Variants in ADGRL2 observed in about 807,000 individuals in gnomAD.
The protein encoded by ADGRL2 is adhesion G protein-coupled receptor L2.
In ADGRL2, 44 loss-of-function variants were observed where a neutral mutation model predicts 157.4. That is an observed-to-expected ratio of 0.28 (90% CI 0.22 to 0.36). The LOEUF (loss-of-function observed/expected upper bound fraction) is 0.36, where lower values mean the gene tolerates loss of function less well. Among genes scored for constraint, ADGRL2 ranks in the 10% least tolerant of loss-of-function variants. The pLI, the probability that ADGRL2 is intolerant of heterozygous loss-of-function variation, is 1.00. For synonymous variants in ADGRL2, 585 were observed against 624.7 expected (o/e 0.94, Z 0.95); for missense variants, 1,510 against 1,768.9 (o/e 0.85, Z 2.63).
At chr1:81,339,403 A>G (rs1472267449) in intron 1 of ADGRL2, among the ~76,000 whole-genome samples, 2 of 152,176 alleles carry the variant, frequency 1.3e-5, no homozygotes, top group Non-Finnish European at 2.9e-5. Flanking sequence ...CAAAATTACA[A>G]TCACAGTACT....
intron 4 of ADGRL2, among the ~76,000 whole-genome samples, chr1:81,938,577 T>A (rs1217343787): frequency 6.6e-6 from 1 of 151,730 alleles, no homozygotes; most frequent in Non-Finnish European, 1.5e-5. Flanking sequence ...TTTTAGTTTT[T>A]GTCTTTTAAT....
At chr1:81,380,097 C>T (rs574887627) in intron 1 of ADGRL2, among the ~76,000 whole-genome samples, 1 of 152,176 alleles carries the variant, frequency 6.6e-6, no homozygotes, top group African/African-American at 2.4e-5. Context: ...AAGACTCAAA[C>T]GGCTTCTTTT....
At chr1:81,306,476 T>C (rs1055835700) in exon 1 of ADGRL2, 1 of 152,146 alleles carries the variant, frequency 6.6e-6, no homozygotes, top group African/African-American at 2.4e-5. Flanking sequence ...TTTTTTTTTT[T>C]ATAAAGGAAC....
chr1:81,554,857 T>C (rs1053856117), intron 2 of ADGRL2, among the ~76,000 whole-genome samples: 1 of 152,138 alleles, frequency 6.6e-6, no homozygotes, highest in Non-Finnish European at 1.5e-5. Flanking sequence ...AGAGAAAGAC[T>C]ATATGATCCC....
At chr1:81,334,536 T>C (rs909139462) in intron 1 of ADGRL2, among the ~76,000 whole-genome samples, 1 of 152,224 alleles carries the variant, frequency 6.6e-6, no homozygotes, top group Non-Finnish European at 1.5e-5. Flanking sequence ...TTTACAGTTA[T>C]GATTTTCTAG....
At chr1:81,328,297 G>T (rs1661035623) in intron 1 of ADGRL2, among the ~76,000 whole-genome samples, 1 of 152,060 alleles carries the variant, frequency 6.6e-6, no homozygotes. Flanking sequence ...TTCATTGGAG[G>T]GAAGAATTTT....
At chr1:81,393,161 C>A (rs972695921) in intron 1 of ADGRL2, among the ~76,000 whole-genome samples, 1 of 152,110 alleles carries the variant, frequency 6.6e-6, no homozygotes, top group African/African-American at 2.4e-5. Flanking sequence ...GTTCCCTACT[C>A]TCTCATTAGA....
chr1:81,831,609 A>T (rs1386958920), intron 1 of ADGRL2, among the ~76,000 whole-genome samples: 3 of 152,022 alleles, frequency 2.0e-5, no homozygotes, highest in African/African-American at 7.3e-5. Context: ...TGCTTTTAAG[A>T]TAAAATGGAT....
intron 1 of ADGRL2, among the ~76,000 whole-genome samples, chr1:81,830,724 C>T (rs1470633391): frequency 1.3e-5 from 2 of 152,180 alleles, no homozygotes; most frequent in Non-Finnish European, 2.9e-5. Context: ...CCAGGCTGGT[C>T]TCGAACTCCT....
chr1:81,491,701 C>T (rs946905552), intron 2 of ADGRL2, among the ~76,000 whole-genome samples: 5 of 152,118 alleles, frequency 3.3e-5, no homozygotes, highest in South Asian at 2.1e-4. Flanking sequence ...TAAAAGAAAA[C>T]ATTTTAACCC....
At chr1:81,488,448 G>C (rs978761306) in intron 2 of ADGRL2, among the ~76,000 whole-genome samples, 12 of 151,786 alleles carry the variant, frequency 7.9e-5, no homozygotes, top group Admixed American at 7.9e-4. Flanking sequence ...GCCTGTGATT[G>C]TAGCACTTTG....
At chr1:81,709,142 A>G (rs988664227) in intron 1 of ADGRL2, among the ~76,000 whole-genome samples, 1 of 152,176 alleles carries the variant, frequency 6.6e-6, no homozygotes, top group Non-Finnish European at 1.5e-5. Context: ...ATGATATACT[A>G]CTGATTGAAC....
intron 12 of ADGRL2, 56 bp downstream of exon 12, chr1:81,966,239 T>G: frequency 6.2e-7 from 1 of 1,607,296 alleles, no homozygotes; most frequent in Non-Finnish European, 8.5e-7. Context: ...AAAAACCTAT[T>G]AATTCTAAAA....
At chr1:81,795,100 A>G (rs1374805696) in intron 2 of ADGRL2, among the ~76,000 whole-genome samples, 2 of 152,202 alleles carry the variant, frequency 1.3e-5, no homozygotes, top group African/African-American at 4.8e-5. Context: ...GATTTTCAGA[A>G]ATGAAACAGG....
At chr1:81,469,675 A>G (rs540796519) in intron 2 of ADGRL2, among the ~76,000 whole-genome samples, 1 of 152,166 alleles carries the variant, frequency 6.6e-6, no homozygotes, top group Non-Finnish European at 1.5e-5. Context: ...TCTTCATCCA[A>G]GAGCTAAGTT....
At chr1:81,682,103 A>ATG (rs57943530) in intron 3 of ADGRL2, among the ~76,000 whole-genome samples, 1,746 of 148,012 alleles carry the variant, frequency 0.012, 8 homozygotes, top group East Asian at 0.023. Context: ...ATACATATAT[A>ATG]TGTGTGTGTG....
intron 1 of ADGRL2, among the ~76,000 whole-genome samples, chr1:81,824,872 C>G (rs1330270078): frequency 6.6e-6 from 1 of 151,840 alleles, no homozygotes; most frequent in Non-Finnish European, 1.5e-5. Flanking sequence ...GTAAGTTTGA[C>G]AGAAACAGTG....
At chr1:81,976,530 C>T (rs1031930860) in intron 17 of ADGRL2, among the ~76,000 whole-genome samples, 1 of 151,916 alleles carries the variant, frequency 6.6e-6, no homozygotes, top group Non-Finnish European at 1.5e-5. Flanking sequence ...TTTTCCAATA[C>T]TTTTAGTTGT....
At chr1:81,600,799 A>G (rs1189535685) in intron 3 of ADGRL2, among the ~76,000 whole-genome samples, 4 of 152,248 alleles carry the variant, frequency 2.6e-5, no homozygotes, top group African/African-American at 4.8e-5. Context: ...TTAGATCACA[A>G]GATTTCTAAG....
Sources: allele counts gnomAD v4.1 joint callset (sites outside exome capture counted in the v4.1 genomes callset), GRCh38; gene constraint gnomAD v4.1.1; transcripts MANE v1.5; gene names NCBI Gene and HGNC (gene_info 2026-07-23, HGNC 2026-07-21).